SHANK2: variants seen among roughly 807,000 people sequenced by gnomAD.
The protein encoded by SHANK2 is SH3 and multiple ankyrin repeat domains 2, also known as SH3 and multiple ankyrin repeat domains protein 2.
SHANK2 carries 43 observed loss-of-function variants against 133.7 expected under a neutral mutation model. The ratio of observed to expected loss-of-function variants is 0.32; its 90% CI spans 0.25 to 0.41. The LOEUF (loss-of-function observed/expected upper bound fraction) is 0.41, where lower values mean the gene tolerates loss of function less well. Ranked by LOEUF, SHANK2 falls within the 10% of genes least tolerant of loss-of-function variation. The probability of loss-of-function intolerance (pLI) is 1.00; values close to 1 mark genes in which losing one functional copy is unlikely to be tolerated. For missense variants in SHANK2, 1,994 were observed against 2,235.8 expected (o/e 0.89, Z 2.18); for synonymous variants, 1,017 against 952.8 (o/e 1.07, Z -1.24).
rs567449383 is a variant in SHANK2 at position 70,517,168 on chromosome 11, C to CA, written c.2062-14238dup. The stretch of plus-strand genomic sequence containing the variant: ...TTAGCAAATCAAGCCAACAGTGAGA[C>CA]ACCACTACACACCTATGGAATGGCC... On this transcript the variant is annotated intron_variant, in intron 17 of 25. Coordinates refer to ENST00000601538, the MANE Select transcript of SHANK2 (RefSeq NM_012309.5). Among the ~76,000 whole-genome samples, 7 of 152,346 alleles carry CA rather than the reference C, an allele frequency of 4.6e-5. No individual in the cohort carries two copies. In the South Asian group the frequency reaches 8.3e-4, roughly 18 times the overall value.
chr11:70,585,647 C>A (rs1053326234), intron 17 of SHANK2, among the ~76,000 whole-genome samples: 7 of 151,746 alleles, frequency 4.6e-5, no homozygotes, highest in Admixed American at 2.0e-4. Flanking sequence ...ATCTACCCAT[C>A]TATCCCTCCA....
chr11:70,904,910 T>C (rs899160914), intron 10 of SHANK2, among the ~76,000 whole-genome samples: 1 of 152,176 alleles, frequency 6.6e-6, no homozygotes, highest in Non-Finnish European at 1.5e-5. Context: ...CCACCAGTAT[T>C]GTGAGGCCTC....
At chr11:71,066,042 A>C (rs1467490391) in intron 9 of SHANK2, among the ~76,000 whole-genome samples, 1 of 2,886 alleles carries the variant, frequency 3.5e-4, no homozygotes, top group Non-Finnish European at 6.5e-4. Context: ...AAGTTGGGGG[A>C]GGGTACAGAA....
rs555218781 is a variant in SHANK2, at chr11:71,175,551, GGAGAGAGAGA to G, written c.-12-28223_-12-28214del. Among the ~76,000 whole-genome samples, 322 of 40,664 alleles carry G rather than the reference GGAGAGAGAGA, an allele frequency of 7.9e-3. 7 individuals are homozygous for G. The highest frequency in any genetic ancestry group is 0.023 in the African/African-American group (287 of 12,240). 26.7% of individuals were successfully genotyped at this position (40,664 alleles called of 152,430 possible). A position where few individuals can be genotyped will look rare whatever the true frequency, so the allele number is the denominator to read the frequency against. ...CAGACAGACAGAGGGAGAGGGAGAG[GGAGAGAGAGA>G]GAGAGAGAGAGAGAGAGAGAGAGAG... is the stretch of plus-strand genomic sequence containing the variant. On this transcript the variant is annotated intron_variant, in intron 2 of 25. Transcript: ENST00000601538. This position sits in a 1 kb window ranked among gnomAD's most constrained non-coding sequence, Gnocchi z 4.2.
intron 13 of SHANK2, among the ~76,000 whole-genome samples, chr11:70,803,241 C>T (rs1948087870): frequency 6.7e-6 from 1 of 150,210 alleles, no homozygotes; most frequent in Non-Finnish European, 1.5e-5. Flanking sequence ...ACCTATCCAA[C>T]TACCCACCTA....
intron 8 of SHANK2, among the ~76,000 whole-genome samples, chr11:71,089,669 G>A (rs1248921237): frequency 2.0e-5 from 3 of 152,254 alleles, no homozygotes; most frequent in African/African-American, 7.2e-5. Flanking sequence ...GGAATGGCTG[G>A]AAGTGGGTCA....
intron 17 of SHANK2, among the ~76,000 whole-genome samples, chr11:70,586,824 C>A (rs1256076556): frequency 1.3e-5 from 2 of 152,146 alleles, no homozygotes; most frequent in African/African-American, 2.4e-5. Context: ...AGTACCTCAC[C>A]CCCCCAGAGT....
intron 14 of SHANK2, among the ~76,000 whole-genome samples, chr11:70,764,432 C>T (rs1274091531): frequency 4.7e-5 from 7 of 150,058 alleles, no homozygotes; most frequent in Non-Finnish European, 8.9e-5. Flanking sequence ...CCCACCCATA[C>T]ATCCACACAT....
chr11:71,147,414 T>A, intron 2 of SHANK2, 76 bp from the exon 3 acceptor site: 1 of 1,267,030 alleles, frequency 7.9e-7, no homozygotes, highest in South Asian at 1.5e-5. Flanking sequence ...CGGTGGACAC[T>A]GGCGCTGGAA....
At chr11:70,844,057 C>A (rs782287228) in intron 11 of SHANK2, among the ~76,000 whole-genome samples, 59 of 152,222 alleles carry the variant, frequency 3.9e-4, no homozygotes, top group Non-Finnish European at 8.2e-4. Flanking sequence ...CCATCTGAGT[C>A]CCCAAGGTGG....
At chr11:70,930,270 G>A (rs1950484580) in intron 10 of SHANK2, among the ~76,000 whole-genome samples, 1 of 152,138 alleles carries the variant, frequency 6.6e-6, no homozygotes, top group South Asian at 2.1e-4. Flanking sequence ...CAGACGTCAT[G>A]CTCTGCCGGT....
At chr11:70,894,131 G>A (rs1949896143) in intron 11 of SHANK2, among the ~76,000 whole-genome samples, 1 of 152,180 alleles carries the variant, frequency 6.6e-6, no homozygotes, top group Admixed American at 6.5e-5. Flanking sequence ...CTCCCAAGGT[G>A]GATTGTGAAA....
In SHANK2 at chr11:71,166,473, C is replaced by CTTTTTTT. The variant is rs1322143159; in HGVS notation, c.-12-19142_-12-19136dup. ...TTGGTTTACCTTCCAATCCACACGT[C>CTTTTTTT]TTTTTTTTCTTTTCTTTTTTTTTTG... On this transcript the variant is annotated intron_variant, in intron 2 of 25. Coordinates refer to ENST00000601538, the MANE Select transcript of SHANK2 (RefSeq NM_012309.5). 2.7e-4 allele frequency among the ~76,000 whole-genome samples: 35 copies of CTTTTTTT among 131,366 alleles called. 1 individual carries two copies. The highest frequency in any genetic ancestry group is 2.9e-4 in the Non-Finnish European group (18 of 61,404). 86.2% of individuals were successfully genotyped at this position (131,366 alleles called of 152,430 possible). A position where few individuals can be genotyped will look rare whatever the true frequency, so the allele number is the denominator to read the frequency against.
At position 70,479,113 on chromosome 11, in the gene SHANK2, C is replaced by T. The variant is rs1257804090; in HGVS notation, c.4980-5674G>A. ...GCCCAACGCCCGCAAGTACCAGCCC[C>T]GATGGACGCACATCCTGACTAGTGC... is the stretch of plus-strand genomic sequence containing the variant. On this transcript the variant is annotated intron_variant, in intron 25 of 25. Transcript: ENST00000601538. This position sits in a 1 kb window ranked among gnomAD's most constrained non-coding sequence, Gnocchi z 4.4. 5.3e-5 allele frequency among the ~76,000 whole-genome samples: 8 copies of T among 152,312 alleles called. No individual in the cohort carries two copies. The East Asian group carries it at 9.7e-4, about 18-fold the overall frequency.
intron 2 of SHANK2, among the ~76,000 whole-genome samples, chr11:71,196,232 A>T (rs1031948860): frequency 3.3e-5 from 5 of 152,070 alleles, no homozygotes; most frequent in South Asian, 2.1e-4. Flanking sequence ...TGGTTCTTAA[A>T]TTCTAGCTAC....
Position 70,529,683 on chromosome 11 carries a change from C to T in SHANK2, c.2062-26752G>A, listed in dbSNP as rs542085448. Among the ~76,000 whole-genome samples the T allele has an allele frequency of 5.3e-5, 8 of 152,278 alleles. No homozygotes were observed. The South Asian group carries it at 1.7e-3, about 32-fold the overall frequency. On this transcript the variant is annotated intron_variant, in intron 17 of 25. Transcript: ENST00000601538. ...TCACCCCAGAAGGAAACCCTGCACTCATAAGCAGTCACTCCCCTCCCCCTC... is the reference window on the plus strand; with the variant it reads ...TCACCCCAGAAGGAAACCCTGCACTTATAAGCAGTCACTCCCCTCCCCCTC...
At chr11:71,213,453 CAGGGGCA>C (rs782716121) in intron 2 of SHANK2, among the ~76,000 whole-genome samples, 13 of 152,274 alleles carry the variant, frequency 8.5e-5, no homozygotes, top group South Asian at 4.1e-4. Context: ...GATAAATCCC[CAGGGGCA>C]AGGTTTTTAA....
At chr11:71,058,692 T>A (rs975705190) in intron 9 of SHANK2, among the ~76,000 whole-genome samples, 2 of 152,190 alleles carry the variant, frequency 1.3e-5, no homozygotes, top group Non-Finnish European at 2.9e-5. Context: ...ATTCCATCCT[T>A]ACCTACAGTC....
At chr11:71,120,665 G>A (rs1481192299) in intron 3 of SHANK2, among the ~76,000 whole-genome samples, 1 of 152,148 alleles carries the variant, frequency 6.6e-6, no homozygotes, top group African/African-American at 2.4e-5. Flanking sequence ...GGGGGCAGTT[G>A]TTTATTCCAG....
Sources: gnomAD v4.1 joint callset for allele counts (sites outside exome capture counted in the v4.1 genomes callset) on GRCh38, gnomAD v4.1.1 for gene constraint, Gnocchi (gnomAD v3.1) non-coding constraint, MANE v1.5 for transcripts, NCBI Gene and HGNC (gene_info 2026-07-23, HGNC 2026-07-21) for gene names.